Variants in ZNF451 observed in about 807,000 individuals in gnomAD.
The protein encoded by ZNF451 is E3 SUMO-protein ligase ZNF451.
A neutral mutation model predicts 107.1 loss-of-function variants in ZNF451; 80 were observed. That is an observed-to-expected ratio of 0.75 (90% CI 0.62 to 0.90). The LOEUF is 0.90. Ranked by LOEUF, ZNF451 falls within the 40% of genes least tolerant of loss-of-function variation. The pLI is 0.00. For missense variants in ZNF451, 1,107 were observed against 1,236.2 expected (o/e 0.90, Z 1.57); for synonymous variants, 362 against 406.5 (o/e 0.89, Z 1.32).
intron 14 of ZNF451, among the ~76,000 whole-genome samples, 186 bp downstream of exon 14, chr6:57,161,338 T>C (rs1763665696): frequency 6.6e-6 from 1 of 152,192 alleles, no homozygotes; most frequent in Non-Finnish European, 1.5e-5. Context: ...TTTAGAAAGC[T>C]AGAATGGGTC....
chr6:57,162,346 T>C (rs9382686), intron 14 of ZNF451, among the ~76,000 whole-genome samples: 17,981 of 152,194 alleles, frequency 0.12, 1,309 homozygotes, highest in African/African-American at 0.19. Context: ...TATTAGGAGT[T>C]TGGGAAATGG....
intron 14 of ZNF451, among the ~76,000 whole-genome samples, chr6:57,163,199 G>A (rs140832271): frequency 1.3e-5 from 2 of 151,910 alleles, no homozygotes; most frequent in Non-Finnish European, 2.9e-5. Context: ...ATTTTTGTAG[G>A]CACTGTTGTA....
intron 12 of ZNF451, among the ~76,000 whole-genome samples, chr6:57,152,881 A>T (rs1254850585): frequency 6.6e-6 from 1 of 152,222 alleles, no homozygotes; most frequent in Admixed American, 6.5e-5. Context: ...GGTGTGAGCC[A>T]CTGCGCCCTG....
chr6:57,146,014 C>T (rs1832047534), intron 9 of ZNF451, among the ~76,000 whole-genome samples: 1 of 152,044 alleles, frequency 6.6e-6, no homozygotes, highest in South Asian at 2.1e-4. Flanking sequence ...AAGATGGTAT[C>T]GCATTGTTTT....
chr6:57,100,134 C>T (rs1360629313), intron 3 of ZNF451, among the ~76,000 whole-genome samples: 2 of 150,070 alleles, frequency 1.3e-5, no homozygotes, highest in African/African-American at 2.4e-5. Context: ...TCAGAGGTGC[C>T]TAAAATGACT....
chr6:57,165,193 G>A (rs1281308272), intron 14 of ZNF451: 2 of 152,118 alleles, frequency 1.3e-5, no homozygotes, highest in African/African-American at 4.8e-5. Context: ...TTGACAGTTT[G>A]ACTATAACAC....
chr6:57,101,118 A>G, intron 3 of ZNF451: 1 of 1,550,342 alleles, frequency 6.5e-7, no homozygotes, highest in South Asian at 1.2e-5. Flanking sequence ...CCACAGTTGA[A>G]GAAGAAACTG....
intron 2 of ZNF451, among the ~76,000 whole-genome samples, chr6:57,094,358 G>C (rs564815706): frequency 3.8e-4 from 58 of 151,742 alleles, no homozygotes; most frequent in African/African-American, 1.4e-3. Context: ...GCCCAGGCTG[G>C]AGTGCAGTGG....
intron 3 of ZNF451, chr6:57,116,269 A>G (rs1830361502): frequency 6.6e-6 from 1 of 152,174 alleles, no homozygotes; most frequent in African/African-American, 2.4e-5. Flanking sequence ...ATGGAAAAAT[A>G]TTGTATGGGC....
intron 2 of ZNF451, among the ~76,000 whole-genome samples, chr6:57,092,527 A>G (rs1467407111): frequency 6.6e-6 from 1 of 152,164 alleles, no homozygotes; most frequent in East Asian, 1.9e-4. Flanking sequence ...CCTATTAAAA[A>G]TTTTCCCTTT....
intron 3 of ZNF451, among the ~76,000 whole-genome samples, chr6:57,123,176 ATAAT>A (rs1016639463): frequency 6.6e-6 from 1 of 152,210 alleles, no homozygotes; most frequent in African/African-American, 2.4e-5. Flanking sequence ...TCAAAAATAA[ATAAT>A]AAATCATTTC....
At chr6:57,099,663 C>T (rs537510353) in intron 3 of ZNF451, 4 of 614,416 alleles carry the variant, frequency 6.5e-6, no homozygotes, top group African/African-American at 5.5e-5. Context: ...ATTTATCTTA[C>T]CTGTGATGTA....
chr6:57,134,355 T>C (rs1831330134), intron 6 of ZNF451: 1 of 157,686 alleles, frequency 6.3e-6, no homozygotes, highest in Non-Finnish European at 1.4e-5. Flanking sequence ...GTACTAGAAA[T>C]CTTAGCATGA....
At chr6:57,095,035 T>C (rs374740452) in intron 2 of ZNF451, among the ~76,000 whole-genome samples, 39 of 152,342 alleles carry the variant, frequency 2.6e-4, no homozygotes, top group African/African-American at 9.1e-4. Flanking sequence ...TGATTCTTAG[T>C]CAAATAAATG....
chr6:57,094,593 AGTT>A (rs1829202556), intron 2 of ZNF451, among the ~76,000 whole-genome samples: 1 of 152,224 alleles, frequency 6.6e-6, no homozygotes, highest in East Asian at 1.9e-4. Flanking sequence ...ACGCAGTTAT[AGTT>A]GTTAAAGATA....
Position 57,148,035 on chromosome 6 carries a change from AT to A in ZNF451, c.1952del (p.Leu651CysfsTer13). 6.2e-7 allele frequency: 1 copy of A among 1,614,118 alleles called. No homozygotes were observed. The highest frequency in any genetic ancestry group is 8.5e-7 in the Non-Finnish European group (1 of 1,179,986). ...GAAAGCCTTTTCATAAGATAGAAAC[AT>A]TGTACCGACATTGCCAAGATGAGCA... The part of the protein sequence containing the change: ...CRKPFHKIET[L>X]YRHCQDEHDN... On this transcript the variant is annotated frameshift_variant, in exon 10 of 15. Coordinates refer to ENST00000370706, the MANE Select transcript of ZNF451 (RefSeq NM_001031623.3). LOFTEE classifies it high-confidence loss of function.
chr6:57,108,831 A>G (rs189915837), intron 3 of ZNF451: 3 of 985,426 alleles, frequency 3.0e-6, no homozygotes, highest in Admixed American at 6.1e-5. Context: ...AGAGAAATTC[A>G]TTCTTATTTT....
intron 3 of ZNF451, chr6:57,109,493 G>A (rs999958890): frequency 2.7e-5 from 27 of 985,264 alleles, no homozygotes; most frequent in Non-Finnish European, 3.1e-5. Flanking sequence ...ACACACTAAA[G>A]CCTGATGCAG....
At chr6:57,092,178 G>A (rs1473906063) in intron 2 of ZNF451, among the ~76,000 whole-genome samples, 2 of 152,114 alleles carry the variant, frequency 1.3e-5, no homozygotes, top group Non-Finnish European at 2.9e-5. Flanking sequence ...AATAATACTA[G>A]GAATGACATA....
Sources: gnomAD v4.1 joint callset for allele counts (sites outside exome capture counted in the v4.1 genomes callset) on GRCh38, gnomAD v4.1.1 for gene constraint, MANE v1.5 for transcripts, NCBI Gene and HGNC (gene_info 2026-07-23, HGNC 2026-07-21) for gene names.